Variants in OSBP2 observed in about 807,000 individuals in gnomAD.
OSBP2 encodes the protein oxysterol binding protein 2, also known as oxysterol-binding protein 2.
OSBP2 carries 66 observed loss-of-function variants against 96.0 expected under a neutral mutation model. That is an observed-to-expected ratio of 0.69 (90% CI 0.56 to 0.84). OSBP2 has a LOEUF of 0.84. Among genes scored for constraint, OSBP2 ranks in the 40% least tolerant of loss-of-function variants. The pLI, the probability that OSBP2 is intolerant of heterozygous loss-of-function variation, is 0.00. For missense variants in OSBP2, 1,038 were observed against 1,222.7 expected (o/e 0.85, Z 2.25); for synonymous variants, 525 against 520.9 (o/e 1.01, Z -0.11).
intron 2 of OSBP2, among the ~76,000 whole-genome samples, chr22:30,823,216 G>A (rs2038322231): frequency 6.6e-6 from 1 of 152,174 alleles, no homozygotes; most frequent in Non-Finnish European, 1.5e-5. Context: ...GTCCCGTGGT[G>A]ATCCTGAATG....
At position 30,700,069 on chromosome 22, in the gene OSBP2, T is replaced by C. The variant is rs1331864846; in HGVS notation, c.644+4516T>C. ...CCTCTGCCTCCCAGTTTCAAACAAT[T>C]TTCCTGCCACAGCCTCCCGAGTAGC... On this transcript the variant is annotated intron_variant, in intron 1 of 13. Transcript: ENST00000332585. Among the ~76,000 whole-genome samples the C allele has an allele frequency of 3.3e-5, 5 of 151,934 alleles. No homozygotes were observed. In the East Asian group the frequency reaches 7.7e-4, roughly 23 times the overall value.
intron 12 of OSBP2, among the ~76,000 whole-genome samples, chr22:30,897,473 G>T (rs1242845873): frequency 2.0e-5 from 3 of 152,186 alleles, no homozygotes; most frequent in Non-Finnish European, 4.4e-5. Flanking sequence ...AAGCCTCAGA[G>T]ATTTAGAGCG....
chr22:30,771,162 G>A (rs541857812), intron 2 of OSBP2, among the ~76,000 whole-genome samples: 2 of 152,274 alleles, frequency 1.3e-5, no homozygotes, highest in African/African-American at 2.4e-5. Flanking sequence ...CCCTGCCATC[G>A]GCAGGAGGGC....
At chr22:30,751,744 C>T (rs1299248008) in intron 2 of OSBP2, among the ~76,000 whole-genome samples, 1 of 152,154 alleles carries the variant, frequency 6.6e-6, no homozygotes, top group African/African-American at 2.4e-5. Flanking sequence ...GGAGATGGGG[C>T]AGAATCACCC....
chr22:30,896,933 C>G (rs1181311140), intron 12 of OSBP2, among the ~76,000 whole-genome samples: 1 of 152,202 alleles, frequency 6.6e-6, no homozygotes, highest in African/African-American at 2.4e-5. Flanking sequence ...TAGGCACAAG[C>G]CACCATGCCC....
At chr22:30,867,329 TC>T (rs1412414808) in intron 2 of OSBP2, among the ~76,000 whole-genome samples, 2 of 152,118 alleles carry the variant, frequency 1.3e-5, no homozygotes, top group African/African-American at 4.8e-5. Context: ...CCTTACCTTC[TC>T]CCCTTTCCAA....
intron 2 of OSBP2, among the ~76,000 whole-genome samples, chr22:30,865,709 G>C (rs1234113285): frequency 6.6e-6 from 1 of 151,778 alleles, no homozygotes; most frequent in Non-Finnish European, 1.5e-5. Flanking sequence ...CGGGCCAGGG[G>C]CCTAAGGCCC....
chr22:30,893,399 A>C, intron 9 of OSBP2, 64 bp from the exon 10 acceptor site: 2 of 1,549,548 alleles, frequency 1.3e-6, no homozygotes, highest in Non-Finnish European at 1.8e-6. Context: ...CACCAGGCCT[A>C]AGGGCAGACT....
intron 1 of OSBP2, among the ~76,000 whole-genome samples, chr22:30,706,383 C>G (rs2089253446): frequency 6.6e-6 from 1 of 151,926 alleles, no homozygotes; most frequent in South Asian, 2.1e-4. Flanking sequence ...CTTAGTGATG[C>G]TTCATTCCAT....
At chr22:30,755,593 G>C (rs2090130486) in intron 2 of OSBP2, among the ~76,000 whole-genome samples, 1 of 152,150 alleles carries the variant, frequency 6.6e-6, no homozygotes, top group Non-Finnish European at 1.5e-5. Flanking sequence ...GCCATCTGGT[G>C]GCTGGATTGA....
At chr22:30,744,685 C>G (rs140612042) in intron 2 of OSBP2, among the ~76,000 whole-genome samples, 2,313 of 152,178 alleles carry the variant, frequency 0.015, 31 homozygotes, top group Middle Eastern at 0.044. Flanking sequence ...CGCTTGAACC[C>G]TGGAGGCAGA....
chr22:30,757,295 C>G (rs1602223019), intron 2 of OSBP2, among the ~76,000 whole-genome samples: 1 of 152,224 alleles, frequency 6.6e-6, no homozygotes, highest in Non-Finnish European at 1.5e-5. Flanking sequence ...CTGCGTCCCC[C>G]CTGCCATATG....
At chr22:30,703,164 A>G (rs2089190284) in intron 1 of OSBP2, among the ~76,000 whole-genome samples, 3 of 149,904 alleles carry the variant, frequency 2.0e-5, no homozygotes, top group African/African-American at 4.9e-5. Context: ...GTGAACCAGT[A>G]TCTTATTTTT....
At chr22:30,731,514 G>A (rs533738612) in intron 1 of OSBP2, 4 of 153,330 alleles carry the variant, frequency 2.6e-5, no homozygotes, top group South Asian at 2.1e-4. Context: ...GTGGAGGTAC[G>A]GCGTGACCTG....
chr22:30,831,784 C>A (rs2038527431), intron 2 of OSBP2, among the ~76,000 whole-genome samples: 1 of 152,010 alleles, frequency 6.6e-6, no homozygotes, highest in South Asian at 2.1e-4. Context: ...GCAGAGGTCC[C>A]AATCCAGGCA....
intron 2 of OSBP2, among the ~76,000 whole-genome samples, chr22:30,845,410 T>TGA (rs1388640160): frequency 1.3e-5 from 2 of 150,378 alleles, no homozygotes; most frequent in East Asian, 4.0e-4. Context: ...GCTACAAGAG[T>TGA]GAGACTGCAT....
chr22:30,822,610 G>A (rs2038300951), intron 2 of OSBP2: 1 of 1,527,054 alleles, frequency 6.5e-7, no homozygotes. Context: ...CCGCCGATTG[G>A]AGGCTGCCCC....
rs2040345465 is a variant in OSBP2 at position 30,906,774 on chromosome 22, C to A, written c.*435C>A. ...TTTAGTAAATATTTTTAGTACCGCACTTAGCAGACAGCTTTCCAAGTGTGC... is the reference window on the plus strand; with the variant it reads ...TTTAGTAAATATTTTTAGTACCGCAATTAGCAGACAGCTTTCCAAGTGTGC... On this transcript the variant is annotated 3_prime_UTR_variant, in exon 14 of 14. Coordinates refer to ENST00000332585, the MANE Select transcript of OSBP2 (RefSeq NM_030758.4). 1 of 156,164 alleles carries A rather than the reference C, an allele frequency of 6.4e-6. No homozygotes were observed. The highest frequency in any genetic ancestry group is 1.4e-5 in the Non-Finnish European group (1 of 70,620). 9.7% of individuals were successfully genotyped at this position (156,164 alleles called of 1,614,324 possible). A position where few individuals can be genotyped will look rare whatever the true frequency, so the allele number is the denominator to read the frequency against.
At chr22:30,730,766 CTCTCTCTCTA>C (rs2089750989) in intron 1 of OSBP2, among the ~76,000 whole-genome samples, 9 of 36,896 alleles carry the variant, frequency 2.4e-4, no homozygotes, top group East Asian at 9.2e-4. Flanking sequence ...CTCTCTCTCT[CTCTCTCTCTA>C]TATATATATA....
Sources: gnomAD v4.1 joint callset for allele counts (sites outside exome capture counted in the v4.1 genomes callset) on GRCh38, gnomAD v4.1.1 for gene constraint, MANE v1.5 for transcripts, NCBI Gene and HGNC (gene_info 2026-07-23, HGNC 2026-07-21) for gene names.